Variants in TRIM36 observed in about 807,000 individuals in gnomAD.
TRIM36 encodes the protein E3 ubiquitin-protein ligase TRIM36.
A neutral mutation model predicts 72.4 loss-of-function variants in TRIM36; 42 were observed. The ratio of observed to expected loss-of-function variants is 0.58; its 90% CI spans 0.45 to 0.75. TRIM36 has a LOEUF of 0.75. Among genes scored for constraint, TRIM36 ranks in the 30% least tolerant of loss-of-function variants. TRIM36 has a pLI of 0.00. For synonymous variants in TRIM36, 315 were observed against 282.8 expected (o/e 1.11, Z -1.14); for missense variants, 913 against 857.1 (o/e 1.07, Z -0.81).
chr5:115,165,442 T>G (rs745869277), intron 1 of TRIM36, among the ~76,000 whole-genome samples: 1 of 152,230 alleles, frequency 6.6e-6, no homozygotes. Context: ...TTGACTTTTG[T>G]GCACTGGTAG....
intron 5 of TRIM36, 96 bp from the exon 6 acceptor site, chr5:115,137,712 A>T (rs770194437): frequency 1.4e-5 from 19 of 1,320,926 alleles, no homozygotes; most frequent in Non-Finnish European, 1.9e-5. Flanking sequence ...CTACATAATT[A>T]CATTTCATCT....
intron 1 of TRIM36, chr5:115,177,872 C>T: frequency 1.9e-6 from 3 of 1,613,874 alleles, no homozygotes; most frequent in South Asian, 2.2e-5. Context: ...ATTGCTGAAG[C>T]CTAGTGAAGA....
intron 3 of TRIM36, among the ~76,000 whole-genome samples, chr5:115,146,788 T>G (rs1753616744): frequency 6.6e-6 from 1 of 152,222 alleles, no homozygotes; most frequent in Non-Finnish European, 1.5e-5. Flanking sequence ...GAGATAACCT[T>G]TCTTTAATCA....
chr5:115,177,455 CATTATT>C, intron 1 of TRIM36: 9 of 1,057,494 alleles, frequency 8.5e-6, no homozygotes, highest in Non-Finnish European at 1.1e-5. Context: ...ACCAGTTTCC[CATTATT>C]CTTTACATTA....
At chr5:115,127,877 G>A (rs1752437997) in intron 9 of TRIM36, among the ~76,000 whole-genome samples, 1 of 152,054 alleles carries the variant, frequency 6.6e-6, no homozygotes, top group Admixed American at 6.5e-5. Flanking sequence ...AGGCAGCACT[G>A]TTATCCTAGG....
In TRIM36 at chr5:115,141,390, C is replaced by T. The variant is rs1753267964; in HGVS notation, c.736-16G>A. ...AAAGCTTTTCCTGTTGAAACATATT[C>T]GTAACACAAATAGACAAAACGGGAG... On this transcript the variant is annotated splice_polypyrimidine_tract_variant and intron_variant, in intron 4 of 9. Transcript: ENST00000513154. 7 of 1,551,890 alleles carry T rather than the reference C, an allele frequency of 4.5e-6. No individual in the cohort carries two copies. The highest frequency in any genetic ancestry group is 5.2e-6 in the Non-Finnish European group (6 of 1,149,000).
intron 1 of TRIM36, among the ~76,000 whole-genome samples, chr5:115,165,634 G>A (rs1274256552): frequency 6.6e-6 from 1 of 152,322 alleles, no homozygotes; most frequent in African/African-American, 2.4e-5. Flanking sequence ...CTGCAGTTGG[G>A]AAGGCACAGC....
At chr5:115,177,866 C>T (rs1755410306) in intron 1 of TRIM36, 3 of 1,614,032 alleles carry the variant, frequency 1.9e-6, no homozygotes, top group Non-Finnish European at 2.5e-6. Flanking sequence ...AGGCCCATTG[C>T]TGAAGCCTAG....
Position 115,169,665 on chromosome 5 carries a change from A to G in TRIM36, c.-31T>C. 2 of 1,519,528 alleles carry G rather than the reference A, an allele frequency of 1.3e-6. No individual in the cohort carries two copies. Among genetic ancestry groups the G allele is most frequent in the Non-Finnish European group, 1.8e-6 (2 of 1,138,836 alleles). The allele number at this position is 1,519,528 out of a possible 1,614,324, so 94.1% of individuals were successfully genotyped here. A position where few individuals can be genotyped will look rare whatever the true frequency, so the allele number is the denominator to read the frequency against. On this transcript the variant is annotated 5_prime_UTR_variant, in exon 1 of 10. Transcript: ENST00000513154. The stretch of plus-strand genomic sequence containing the variant: ...CCTTCTGCCAGGTGTCATCAGCGGC[A>G]CGTTCCACTCACACCGGCTACCGAG...
upstream of TRIM36, chr5:115,169,924 C>A (rs1271026085): frequency 1.6e-6 from 2 of 1,274,586 alleles, no homozygotes; most frequent in East Asian, 6.6e-5. Context: ...GGAACGGCGC[C>A]GCGCAGAGAC....
At chr5:115,141,238 A>G in intron 5 of TRIM36, 41 bp downstream of exon 5, 1 of 1,368,058 alleles carries the variant, frequency 7.3e-7, no homozygotes, top group Middle Eastern at 1.9e-4. Flanking sequence ...TCTAGATAAA[A>G]TAACAATAAT....
chr5:115,180,143 C>T (rs1755553604), exon 1 of TRIM36: 1 of 1,123,390 alleles, frequency 8.9e-7, no homozygotes, highest in Non-Finnish European at 1.3e-6. Context: ...AGCTCCCCGC[C>T]CATAAGCTGT....
At chr5:115,146,444 G>T (rs73251523) in intron 3 of TRIM36, among the ~76,000 whole-genome samples, 6,858 of 152,152 alleles carry the variant, frequency 0.045, 563 homozygotes, top group African/African-American at 0.16. Context: ...CAGAAAGAAG[G>T]GAAGATATCA....
At chr5:115,148,334 AC>A (rs1483403129) in intron 2 of TRIM36, 1 of 984,276 alleles carries the variant, frequency 1.0e-6, no homozygotes, top group Non-Finnish European at 1.2e-6. Flanking sequence ...GACAGTCCTT[AC>A]CCATTGGTTC....
intron 2 of TRIM36, among the ~76,000 whole-genome samples, chr5:115,156,742 T>A (rs1228104523): frequency 6.6e-6 from 1 of 152,186 alleles, no homozygotes; most frequent in Non-Finnish European, 1.5e-5. Context: ...AAAACCATTG[T>A]GGACTTTGGC....
At chr5:115,170,232 G>T (rs1755037641), upstream of TRIM36, among the ~76,000 whole-genome samples, 1 of 152,070 alleles carries the variant, frequency 6.6e-6, no homozygotes, top group African/African-American at 2.4e-5. Flanking sequence ...AGCGGTGGGC[G>T]GGTGCCGAGG....
At chr5:115,127,784 T>G (rs966292208) in intron 9 of TRIM36, among the ~76,000 whole-genome samples, 10 of 152,214 alleles carry the variant, frequency 6.6e-5, no homozygotes, top group Non-Finnish European at 1.3e-4. Context: ...TTATTGTTAT[T>G]GTAGACTTAC....
At chr5:115,173,399 A>G (rs1755201848), upstream of TRIM36, among the ~76,000 whole-genome samples, 3 of 152,092 alleles carry the variant, frequency 2.0e-5, no homozygotes, top group African/African-American at 4.8e-5. Context: ...GATTTTCCAT[A>G]TGTGTAGCCC....
intron 5 of TRIM36, 81 bp from the exon 6 acceptor site, chr5:115,137,697 A>G (rs1753037733): frequency 1.4e-6 from 2 of 1,410,308 alleles, no homozygotes; most frequent in East Asian, 4.6e-5. Context: ...GCTTTCCACA[A>G]AGTTCTACAT....
Sources: gnomAD v4.1 joint callset for allele counts (sites outside exome capture counted in the v4.1 genomes callset) on GRCh38, gnomAD v4.1.1 for gene constraint, MANE v1.5 for transcripts, NCBI Gene and HGNC (gene_info 2026-07-23, HGNC 2026-07-21) for gene names.